PRPS2: variants seen among roughly 807,000 people sequenced by gnomAD.
The protein encoded by PRPS2 is phosphoribosyl pyrophosphate synthetase 2.
For missense variants in PRPS2, 104 were observed against 271.5 expected, an observed-to-expected ratio of 0.38 and a Z score of 4.34; for synonymous variants, 111 against 115.3, an observed-to-expected ratio of 0.96 and a Z score of 0.24.
chrX:12,798,178 G>C, intron 1 of PRPS2, among the ~76,000 whole-genome samples: 1 of 112,589 alleles, frequency 8.9e-6, no homozygotes, highest in Admixed American at 9.4e-5. Flanking sequence ...AAAAAGGTAA[G>C]AGAATGACCT....
intron 1 of PRPS2, among the ~76,000 whole-genome samples, chrX:12,795,909 A>T (rs1165577876): frequency 9.0e-6 from 1 of 111,644 alleles, no homozygotes; most frequent in Non-Finnish European, 1.9e-5. Context: ...AGCACATAGA[A>T]CTCTTTCTAT....
chrX:12,799,847 C>A (rs551159380), intron 2 of PRPS2, among the ~76,000 whole-genome samples: 3 of 110,901 alleles, frequency 2.7e-5, no homozygotes, highest in African/African-American at 9.8e-5. Context: ...TTGTTTCATA[C>A]AACTGCATGT....
chrX:12,815,463 T>A (rs7059565), intron 4 of PRPS2, among the ~76,000 whole-genome samples: 20,775 of 111,083 alleles, frequency 0.19, 1,527 homozygotes, highest in East Asian at 0.36. Flanking sequence ...TATCCTGTCA[T>A]GCCCAAATCT....
intron 2 of PRPS2, among the ~76,000 whole-genome samples, chrX:12,802,058 A>G (rs1479041011): frequency 1.8e-5 from 2 of 112,382 alleles, no homozygotes; most frequent in Non-Finnish European, 3.8e-5. Flanking sequence ...CCGATTTGTA[A>G]CCCCATTTTG....
intron 4 of PRPS2, among the ~76,000 whole-genome samples, chrX:12,813,448 G>A (rs1227857343): frequency 3.6e-5 from 4 of 112,411 alleles, no homozygotes; most frequent in African/African-American, 6.5e-5. Flanking sequence ...TGGAATTGCC[G>A]AGTCAAAAGG....
intron 2 of PRPS2, among the ~76,000 whole-genome samples, chrX:12,803,582 C>T (rs1372985649): frequency 8.9e-6 from 1 of 112,880 alleles, no homozygotes; most frequent in Non-Finnish European, 1.9e-5. Context: ...AAAGCATTAC[C>T]ACCACACCTG....
At chrX:12,809,152 A>G (rs2042610197) in intron 2 of PRPS2, 82 bp from the exon 3 acceptor site, 6 of 860,034 alleles carry the variant, frequency 7.0e-6, no homozygotes, top group Non-Finnish European at 8.3e-6. Context: ...TCTATGATTT[A>G]TCCTTCTCAT....
intron 1 of PRPS2, among the ~76,000 whole-genome samples, chrX:12,795,296 T>C (rs5978579): frequency 2.9e-3 from 328 of 111,739 alleles, no homozygotes; most frequent in African/African-American, 0.01. Context: ...GATTAGGATG[T>C]AGACATCTTT....
chrX:12,794,320 C>G (rs2042533443), intron 1 of PRPS2, among the ~76,000 whole-genome samples: 1 of 111,689 alleles, frequency 9.0e-6, no homozygotes. Flanking sequence ...TTGTAGGCCT[C>G]TCCATGGGGC....
intron 6 of PRPS2, among the ~76,000 whole-genome samples, chrX:12,821,874 C>T: frequency 8.9e-6 from 1 of 112,260 alleles, no homozygotes; most frequent in South Asian, 3.7e-4. Context: ...GGGTTTGAGG[C>T]CCATTTTGCC....
chrX:12,794,402 C>T (rs771293464), intron 1 of PRPS2, among the ~76,000 whole-genome samples: 2 of 111,668 alleles, frequency 1.8e-5, no homozygotes, highest in Non-Finnish European at 3.8e-5. Flanking sequence ...ACATTGAAGC[C>T]ACCAGTCCAT....
chrX:12,810,361 T>C, intron 4 of PRPS2: 3 of 421,135 alleles, frequency 7.1e-6, no homozygotes, highest in African/African-American at 2.5e-5. Flanking sequence ...GAGACACACA[T>C]ACACAATAGG....
intron 2 of PRPS2, 31 bp from the exon 3 acceptor site, chrX:12,809,203 C>T (rs778836928): frequency 1.0e-4 from 115 of 1,147,067 alleles, no homozygotes; most frequent in Non-Finnish European, 1.2e-4. Context: ...TCCATCTTTT[C>T]CTGTTATAAA....
intron 4 of PRPS2, among the ~76,000 whole-genome samples, chrX:12,814,745 G>T (rs768257755): frequency 8.9e-6 from 1 of 112,038 alleles, no homozygotes; most frequent in Non-Finnish European, 1.9e-5. Context: ...AAAGTGGTAT[G>T]GGAAGAGGGT....
chrX:12,806,225 C>G (rs757352654), intron 2 of PRPS2, among the ~76,000 whole-genome samples: 2 of 110,457 alleles, frequency 1.8e-5, no homozygotes, highest in South Asian at 7.5e-4. Context: ...ATAAGATTTT[C>G]TTTTTTTCCT....
chrX:12,818,366 C>CAAAA (rs35450855), intron 4 of PRPS2, among the ~76,000 whole-genome samples: 1 of 62,896 alleles, frequency 1.6e-5, no homozygotes, highest in Non-Finnish European at 3.0e-5. Flanking sequence ...GAAACTGTCT[C>CAAAA]AAAAAAAAAA....
chrX:12,810,184 G>C, intron 4 of PRPS2, 38 bp downstream of exon 4: 2 of 1,201,774 alleles, frequency 1.7e-6, no homozygotes, highest in Non-Finnish European at 2.2e-6. Flanking sequence ...TTCTCCATCT[G>C]CTGATTGGTT....
chrX:12,818,366 C>CAAAAAAA (rs35450855), intron 4 of PRPS2, among the ~76,000 whole-genome samples: 5 of 62,849 alleles, frequency 8.0e-5, no homozygotes, highest in South Asian at 9.3e-4. Flanking sequence ...GAAACTGTCT[C>CAAAAAAA]AAAAAAAAAA....
intron 4 of PRPS2, among the ~76,000 whole-genome samples, 184 bp from the exon 5 acceptor site, chrX:12,819,323 C>T (rs956715011): frequency 1.3e-4 from 15 of 112,200 alleles, no homozygotes; most frequent in African/African-American, 4.5e-4. Flanking sequence ...CAAGGTCCGC[C>T]ATTAGCACAT....
Sources: allele counts gnomAD v4.1 joint callset (sites outside exome capture counted in the v4.1 genomes callset), GRCh38; gene constraint gnomAD v4.1.1; transcripts MANE v1.5; gene names NCBI Gene and HGNC (gene_info 2026-07-23, HGNC 2026-07-21).